ACER1: variants seen among roughly 807,000 people sequenced by gnomAD.
ACER1 encodes the protein alkaline ceramidase 1, also known as CTB-180A7.3.
A neutral mutation model predicts 24.9 loss-of-function variants in ACER1; 28 were observed. The observed-to-expected ratio is 1.13, with a 90% CI of 0.83 to 1.54. The LOEUF (loss-of-function observed/expected upper bound fraction) is 1.54, where lower values mean the gene tolerates loss of function less well. Ranked by LOEUF, ACER1 falls within the 40% of genes most tolerant of loss-of-function variation. The pLI is 0.00. For missense variants in ACER1, 352 were observed against 349.3 expected (o/e 1.01, Z -0.06); for synonymous variants, 132 against 131.4 (o/e 1.00, Z -0.03).
At chr19:6,355,499 C>T in the ACER1 span, among the ~76,000 whole-genome samples, 1 of 147,974 alleles carries the variant, frequency 6.8e-6, no homozygotes, top group Non-Finnish European at 1.5e-5. Context: ...AGTGAGGAGC[C>T]CCTCTGCCCA....
chr19:6,348,505 TG>T, the ACER1 span, among the ~76,000 whole-genome samples: 1 of 148,354 alleles, frequency 6.7e-6, no homozygotes, highest in Non-Finnish European at 1.5e-5. Flanking sequence ...GACTGAGCCC[TG>T]GGGCTCTCTA....
chr19:6,315,521 A>T (rs1200868354), intron 1 of ACER1, among the ~76,000 whole-genome samples: 1 of 152,058 alleles, frequency 6.6e-6, no homozygotes, highest in African/African-American at 2.4e-5. Context: ...CTGGGACTAC[A>T]GGTGCACGCC....
At chr19:6,355,217 G>A in the ACER1 span, among the ~76,000 whole-genome samples, 2 of 152,016 alleles carry the variant, frequency 1.3e-5, no homozygotes, top group Admixed American at 6.6e-5. Context: ...CCAAAGTGCC[G>A]AGATTGCAGC....
chr19:6,317,270 A>G (rs1262030105), intron 1 of ACER1, among the ~76,000 whole-genome samples: 1 of 152,252 alleles, frequency 6.6e-6, no homozygotes, highest in East Asian at 1.9e-4. Context: ...CACTGCACCC[A>G]GCCCCAGTTA....
rs1406963281 is a variant in ACER1 at position 6,307,229 on chromosome 19, G to A, written c.550C>T (p.Leu184=). The part of the protein sequence containing the change: ...EVSVVLWAVA[L]TSWISDRLLC... The stretch of plus-strand genomic sequence containing the variant: ...AGACGGTCACTGATCCAGCTGGTCA[G>A]AGCAACAGCCCATAAAACCACGGAG... The change falls in exon 5 of 6, where the codon CTG becomes TTG. Residue 184 remains leucine (L), a synonymous_variant. Transcript: ENST00000301452. The A allele has an allele frequency of 1.2e-6, 2 of 1,614,012 alleles. No individual in the cohort carries two copies. The highest frequency in any genetic ancestry group is 1.7e-6 in the Non-Finnish European group (2 of 1,180,036).
chr19:6,341,523 CAAAAAAAAAAAAAA>C, the ACER1 span, among the ~76,000 whole-genome samples: 1 of 60,698 alleles, frequency 1.6e-5, no homozygotes, highest in African/African-American at 5.3e-5. Context: ...GACCTTGTCT[CAAAAAAAAAAAAAA>C]GAAAAAAAAA....
chr19:6,346,881 T>C, the ACER1 span, among the ~76,000 whole-genome samples: 7 of 151,766 alleles, frequency 4.6e-5, no homozygotes. Flanking sequence ...CTTCTTTCCT[T>C]CCTTCTTGAA....
At chr19:6,315,952 A>AC (rs1452869516) in intron 1 of ACER1, among the ~76,000 whole-genome samples, 2 of 152,120 alleles carry the variant, frequency 1.3e-5, no homozygotes, top group Admixed American at 6.6e-5. Flanking sequence ...ACATGGTGAA[A>AC]CCCCATCTCT....
chr19:6,334,426 C>A (rs1348855464), upstream of ACER1, among the ~76,000 whole-genome samples: 1 of 151,882 alleles, frequency 6.6e-6, no homozygotes, highest in Non-Finnish European at 1.5e-5. Flanking sequence ...CTCACTGCAA[C>A]CTCCACCTCC....
chr19:6,312,689 A>G (rs1191798911), intron 1 of ACER1, among the ~76,000 whole-genome samples, 190 bp from the exon 2 acceptor site: 2 of 131,948 alleles, frequency 1.5e-5, no homozygotes, highest in Admixed American at 7.8e-5. Context: ...TTTTTTTTAG[A>G]TGGAGTCTTG....
intron 4 of ACER1, 23 bp downstream of exon 4, chr19:6,309,674 A>G (rs370355503): frequency 4.1e-5 from 66 of 1,613,180 alleles, no homozygotes; most frequent in Non-Finnish European, 5.5e-5. Flanking sequence ...CCTCCTGCCC[A>G]GGCACCTGCA....
upstream of ACER1, chr19:6,333,647 G>A (rs182737411): frequency 6.7e-3 from 6,915 of 1,032,072 alleles, 35 homozygotes; most frequent in Non-Finnish European, 8.4e-3. Context: ...AGGACAGCCC[G>A]GTGCCCCGCG....
At chr19:6,353,038 T>G in the ACER1 span, among the ~76,000 whole-genome samples, 98 of 152,254 alleles carry the variant, frequency 6.4e-4, no homozygotes, top group Admixed American at 6.4e-3. Flanking sequence ...ATTAAATATT[T>G]ATGGAGTCCT....
chr19:6,326,274 C>T (rs1443279782), intron 1 of ACER1, among the ~76,000 whole-genome samples: 2 of 151,882 alleles, frequency 1.3e-5, no homozygotes, highest in Non-Finnish European at 2.9e-5. Context: ...ACCACAGGCG[C>T]CCACCACAAT....
chr19:6,312,177 A>T lies in ACER1; in HGVS notation c.322T>A (p.Tyr108Asn). The change falls in exon 3 of 6, where the codon TAT becomes AAT. Residue 108 changes from tyrosine (Y) to asparagine (N), a missense_variant. Coordinates refer to ENST00000301452, the MANE Select transcript of ACER1 (RefSeq NM_133492.3). Reference protein sequence around the residue: ...SGYSIWMPRCYFPSFLGGNRS... With the variant: ...SGYSIWMPRCNFPSFLGGNRS... ...TTCCCCCCAAGGAAGGAGGGGAAAT[A>T]GCAGCGGGGCATCCATATGCTATAG... 6.2e-7 allele frequency: 1 copy of T among 1,614,102 alleles called. No individual in the cohort carries two copies. The highest frequency in any genetic ancestry group is 8.5e-7 in the Non-Finnish European group (1 of 1,180,002).
intron 1 of ACER1, among the ~76,000 whole-genome samples, chr19:6,332,252 C>T (rs2091691243): frequency 6.7e-6 from 1 of 149,784 alleles, no homozygotes. Context: ...CAGGCGTGAG[C>T]CTCCGCGCCC....
At chr19:6,355,416 A>G in the ACER1 span, among the ~76,000 whole-genome samples, 16 of 118,508 alleles carry the variant, frequency 1.4e-4, no homozygotes, top group East Asian at 5.8e-4. Context: ...CTGGGAGGTG[A>G]GGAGCGTCTC....
intron 1 of ACER1, among the ~76,000 whole-genome samples, chr19:6,315,179 G>A (rs960181893): frequency 2.8e-5 from 4 of 142,700 alleles, no homozygotes; most frequent in Non-Finnish European, 4.6e-5. Flanking sequence ...CACTGCACCC[G>A]GCCTTATTTA....
chr19:6,339,713 G>A, the ACER1 span, among the ~76,000 whole-genome samples: 1 of 152,026 alleles, frequency 6.6e-6, no homozygotes, highest in Non-Finnish European at 1.5e-5. Flanking sequence ...TGTTGCCCAG[G>A]CTGGAGTGCA....
Sources: gnomAD v4.1 joint callset for allele counts (sites outside exome capture counted in the v4.1 genomes callset) on GRCh38, gnomAD v4.1.1 for gene constraint, MANE v1.5 for transcripts, NCBI Gene and HGNC (gene_info 2026-07-23, HGNC 2026-07-21) for gene names.